Variants in OLA1 observed in about 807,000 individuals in gnomAD.
OLA1 encodes the protein Obg like ATPase 1, also known as obg-like ATPase 1.
In OLA1, 14 loss-of-function variants were observed where a neutral mutation model predicts 48.4. That is an observed-to-expected ratio of 0.29 (90% CI 0.19 to 0.45). The LOEUF is 0.45. OLA1 is among the 20% of genes least tolerant of loss of function. The pLI is 1.00. For synonymous variants in OLA1, 127 were observed against 150.4 expected (o/e 0.84, Z 1.14); for missense variants, 325 against 467.1 (o/e 0.70, Z 2.80).
At chr2:174,175,954 ATAC>A (rs1230135886) in intron 4 of OLA1, among the ~76,000 whole-genome samples, 1 of 152,120 alleles carries the variant, frequency 6.6e-6, no homozygotes, top group Non-Finnish European at 1.5e-5. Flanking sequence ...ATACTATATG[ATAC>A]TACATGAAAT....
intron 8 of OLA1, 101 bp from the exon 9 acceptor site, chr2:174,081,349 T>C (rs1684849440): frequency 1.3e-6 from 1 of 785,794 alleles, no homozygotes; most frequent in Non-Finnish European, 2.1e-6. Flanking sequence ...ATGTTAAAGA[T>C]AGTAGTAAAT....
chr2:174,244,925 C>G (rs1347249250), intron 2 of OLA1, among the ~76,000 whole-genome samples: 1 of 152,130 alleles, frequency 6.6e-6, no homozygotes, highest in Non-Finnish European at 1.5e-5. Context: ...AATCACCATG[C>G]CCAGCCAATT....
chr2:174,245,751 G>A (rs926993572), intron 2 of OLA1, among the ~76,000 whole-genome samples: 15 of 151,834 alleles, frequency 9.9e-5, no homozygotes, highest in Admixed American at 6.6e-4. Context: ...AAAATTAGCC[G>A]GGCGTGGTGG....
chr2:174,234,879 C>T (rs769754082), intron 2 of OLA1, among the ~76,000 whole-genome samples: 7 of 152,180 alleles, frequency 4.6e-5, no homozygotes, highest in African/African-American at 7.2e-5. Context: ...TAAAACTAGG[C>T]GGGGCATGGT....
chr2:174,163,744 ATATATATATATATATATATATATATATAT>A (rs1687080967), intron 4 of OLA1, among the ~76,000 whole-genome samples: 1 of 45,432 alleles, frequency 2.2e-5, no homozygotes, highest in Admixed American at 2.2e-4. Context: ...ATATATATAT[ATATATATATATATATATATATATATATAT>A]ATAAATAAAT....
At chr2:174,180,787 A>G (rs1392576674) in intron 4 of OLA1, among the ~76,000 whole-genome samples, 29 of 152,220 alleles carry the variant, frequency 1.9e-4, no homozygotes, top group Admixed American at 2.6e-4. Context: ...CAAAAGTAGT[A>G]AAATAATCTG....
At chr2:174,164,296 TCTGA>T (rs1687105553) in intron 4 of OLA1, among the ~76,000 whole-genome samples, 1 of 118,740 alleles carries the variant, frequency 8.4e-6, no homozygotes, top group African/African-American at 4.3e-5. Context: ...TATCCTATGC[TCTGA>T]CTTTCTCCCA....
At chr2:174,223,811 T>C (rs1688558584) in intron 3 of OLA1, among the ~76,000 whole-genome samples, 1 of 147,566 alleles carries the variant, frequency 6.8e-6, no homozygotes, top group South Asian at 2.1e-4. Context: ...GAGAACCAGT[T>C]ATCAGCATAG....
intron 4 of OLA1, among the ~76,000 whole-genome samples, chr2:174,199,205 T>A (rs1687939189): frequency 6.6e-6 from 1 of 152,148 alleles, no homozygotes; most frequent in Admixed American, 6.5e-5. Flanking sequence ...TGTGAAAAAA[T>A]AACTGACATT....
Position 174,220,475 on chromosome 2 carries a change from CTAATATT to C in OLA1, c.373+2551_373+2557del, listed in dbSNP as rs576162895. Among the ~76,000 whole-genome samples the C allele has an allele frequency of 6.6e-5, 10 of 152,264 alleles. No homozygotes were observed. The East Asian group carries it at 1.9e-3, about 29-fold the overall frequency. On this transcript the variant is annotated intron_variant, in intron 4 of 10. Transcript: ENST00000284719. ...TCCTTGTACACAACTAGAAAGACAT[CTAATATT>C]TATGTGACCATTTTATTCAATGTCT...
rs75918410 is a variant in OLA1, at chr2:174,189,852, T to C, written c.373+33181A>G. ...TGAATTTGGCCTTGTGGCATTATAATATAATCAGAGCAAAAAAAAAAAAAA... is the reference window on the plus strand; with the variant it reads ...TGAATTTGGCCTTGTGGCATTATAACATAATCAGAGCAAAAAAAAAAAAAA... On this transcript the variant is annotated intron_variant, in intron 4 of 10. Coordinates refer to ENST00000284719, the MANE Select transcript of OLA1 (RefSeq NM_013341.5). Among the ~76,000 whole-genome samples the C allele has an allele frequency of 9.7e-3, 1,168 of 120,976 alleles. 19 individuals carry two copies. Among genetic ancestry groups the C allele is most frequent in the African/African-American group, 0.035 (1,088 of 31,364 alleles). 79.4% of individuals were successfully genotyped at this position (120,976 alleles called of 152,430 possible).
intron 2 of OLA1, among the ~76,000 whole-genome samples, chr2:174,236,958 A>G (rs1688865852): frequency 6.6e-6 from 1 of 152,166 alleles, no homozygotes; most frequent in Non-Finnish European, 1.5e-5. Flanking sequence ...CTTTATGAAC[A>G]TTGTACATTC....
At chr2:174,169,381 T>C (rs1054866591) in intron 4 of OLA1, among the ~76,000 whole-genome samples, 1 of 152,178 alleles carries the variant, frequency 6.6e-6, no homozygotes, top group Non-Finnish European at 1.5e-5. Flanking sequence ...TGCTAAGACA[T>C]ACAATAGCAG....
Position 174,222,734 on chromosome 2 carries a change from G to A in OLA1, c.373+299C>T, listed in dbSNP as rs373231606. On this transcript the variant is annotated intron_variant, in intron 4 of 10. Coordinates refer to ENST00000284719, the MANE Select transcript of OLA1 (RefSeq NM_013341.5). ...CCACAATTTAAGATAATTTCAGAATGCCTTTACAATGAACAAAGTTCCATA... is the reference window on the plus strand; with the variant it reads ...CCACAATTTAAGATAATTTCAGAATACCTTTACAATGAACAAAGTTCCATA... Among the ~76,000 whole-genome samples the A allele has an allele frequency of 1.1e-4, 16 of 152,264 alleles. No individual in the cohort carries two copies. The East Asian group carries it at 2.7e-3, about 26-fold the overall frequency.
At chr2:174,219,268 C>A (rs772269051) in intron 4 of OLA1, among the ~76,000 whole-genome samples, 1 of 149,392 alleles carries the variant, frequency 6.7e-6, no homozygotes, top group African/African-American at 2.5e-5. Flanking sequence ...ATAGCAAGAC[C>A]CTGACTCTTT....
At chr2:174,210,331 C>T (rs545842449) in intron 4 of OLA1, among the ~76,000 whole-genome samples, 39 of 152,188 alleles carry the variant, frequency 2.6e-4, no homozygotes, top group Non-Finnish European at 5.3e-4. Context: ...GGAACAGGGG[C>T]AAACATGATA....
intron 4 of OLA1, among the ~76,000 whole-genome samples, chr2:174,185,808 G>A (rs1022617330): frequency 2.0e-5 from 3 of 152,030 alleles, no homozygotes; most frequent in African/African-American, 7.2e-5. Context: ...CGTGCCTGTA[G>A]TCCTAGCTAC....
intron 4 of OLA1, among the ~76,000 whole-genome samples, chr2:174,220,951 C>A (rs992444583): frequency 6.6e-6 from 1 of 152,128 alleles, no homozygotes; most frequent in Non-Finnish European, 1.5e-5. Flanking sequence ...AAAGAATTAT[C>A]AATTTTCATA....
chr2:174,172,368 G>T, intron 4 of OLA1: 1 of 131,022 alleles, frequency 7.6e-6, no homozygotes. Flanking sequence ...CGAAGGCCAG[G>T]CCCAACACGC....
Sources: allele counts gnomAD v4.1 joint callset (sites outside exome capture counted in the v4.1 genomes callset), GRCh38; gene constraint gnomAD v4.1.1; transcripts MANE v1.5; gene names NCBI Gene and HGNC (gene_info 2026-07-23, HGNC 2026-07-21).